TPPP: variants seen among roughly 807,000 people sequenced by gnomAD.
The protein encoded by TPPP is tubulin polymerization promoting protein.
TPPP carries 6 observed loss-of-function variants against 15.5 expected under a neutral mutation model. That is an observed-to-expected ratio of 0.39 (90% CI 0.21 to 0.77). The LOEUF (loss-of-function observed/expected upper bound fraction) is 0.77, where lower values mean the gene tolerates loss of function less well. Among genes scored for constraint, TPPP ranks in the 30% least tolerant of loss-of-function variants. TPPP has a pLI of 0.42. For missense variants in TPPP, 269 were observed against 307.2 expected (o/e 0.88, Z 0.93); for synonymous variants, 146 against 133.9 (o/e 1.09, Z -0.63).
At chr5:675,595 AT>A (rs1740404698) in intron 2 of TPPP, among the ~76,000 whole-genome samples, 1 of 103,548 alleles carries the variant, frequency 9.7e-6, no homozygotes. Context: ...GGGGTGCAGC[AT>A]GGGGGGTACA....
At chr5:670,157 G>A (rs984521305) in intron 2 of TPPP, among the ~76,000 whole-genome samples, 1 of 152,210 alleles carries the variant, frequency 6.6e-6, no homozygotes, top group African/African-American at 2.4e-5. Flanking sequence ...CTGGGCTCAG[G>A]CCAGGACAGC....
intron 1 of TPPP, chr5:692,725 G>A (rs1579203404): frequency 2.0e-6 from 2 of 981,858 alleles, no homozygotes; most frequent in South Asian, 4.7e-5. Context: ...CTCTGCGGGG[G>A]GCGGTCTGAC....
At chr5:679,791 C>T (rs1270320638) in intron 1 of TPPP, among the ~76,000 whole-genome samples, 2 of 151,198 alleles carry the variant, frequency 1.3e-5, no homozygotes, top group African/African-American at 4.9e-5. Flanking sequence ...AACCTGCACC[C>T]CGTGGGGCCC....
Position 666,139 on chromosome 5 carries a change from C to CGACTTAGGGCACAGGT in TPPP, c.312-17_312-16insACCTGTGCCCTAAGTC, listed in dbSNP as rs2126867042. ...AGACTTCCCTCTACAGGGGCACAGGCGACTTAGGGCTGGGCGCGGGCCGGC... is the reference window on the plus strand; with the variant it reads ...AGACTTCCCTCTACAGGGGCACAGGCGACTTAGGGCACAGGTGACTTAGGGCTGGGCGCGGGCCGGC... On this transcript the variant is annotated splice_polypyrimidine_tract_variant and intron_variant, in intron 2 of 3. Coordinates refer to ENST00000360578, the MANE Select transcript of TPPP (RefSeq NM_007030.3). 3 of 1,608,220 alleles carry CGACTTAGGGCACAGGT rather than the reference C, an allele frequency of 1.9e-6. No homozygotes were observed. Among genetic ancestry groups the CGACTTAGGGCACAGGT allele is most frequent in the African/African-American group, 1.3e-5 (1 of 74,834 alleles).
intron 2 of TPPP, among the ~76,000 whole-genome samples, chr5:669,327 G>A (rs56934245): frequency 0.06 from 9,100 of 152,272 alleles, 537 homozygotes; most frequent in African/African-American, 0.15. Context: ...GTGGGGGTCC[G>A]CGGTGTTGGG....
In TPPP at chr5:665,100, G is replaced by A. The variant is rs770112220; in HGVS notation, c.*2C>T. The A allele has an allele frequency of 1.6e-5, 25 of 1,608,598 alleles. 1 individual carries two copies. In the South Asian group the frequency reaches 1.8e-4, roughly 11 times the overall value. On this transcript the variant is annotated 3_prime_UTR_variant, in exon 4 of 4. Transcript: ENST00000360578. ...GCAGTGCCGCGAGGCATGGAGCGGG[G>A]GCTACTTGCCCCCTTGCACCTTCTG...
chr5:672,106 G>T (rs952250308), intron 2 of TPPP, among the ~76,000 whole-genome samples: 26 of 152,362 alleles, frequency 1.7e-4, no homozygotes, highest in African/African-American at 6.3e-4. Context: ...CCTGGGAGGT[G>T]GTTGGGTTGG....
chr5:667,456 ACTT>A (rs1340562163), intron 2 of TPPP, among the ~76,000 whole-genome samples: 11 of 152,202 alleles, frequency 7.2e-5, no homozygotes, highest in African/African-American at 1.9e-4. Context: ...TGAAACTAAA[ACTT>A]CTAGAAGAAC....
intron 2 of TPPP, among the ~76,000 whole-genome samples, chr5:671,126 C>G (rs538425993): frequency 6.6e-6 from 1 of 152,320 alleles, no homozygotes; most frequent in East Asian, 1.9e-4. Context: ...GTCTGGCTAC[C>G]GAAGGCTCCC....
chr5:692,791 G>A (rs1419121891), intron 1 of TPPP: 1 of 951,670 alleles, frequency 1.1e-6, no homozygotes, highest in Non-Finnish European at 1.3e-6. Flanking sequence ...CCGTTTCTGT[G>A]GCCAGGGATC....
At chr5:692,613 A>T (rs1017332692) in intron 1 of TPPP, 1 of 983,262 alleles carries the variant, frequency 1.0e-6, no homozygotes, top group African/African-American at 1.8e-5. Flanking sequence ...GGCTCCTCAG[A>T]TCTTCGGGCG....
intron 1 of TPPP, among the ~76,000 whole-genome samples, chr5:686,052 G>A (rs1740759108): frequency 6.6e-6 from 1 of 152,214 alleles, no homozygotes; most frequent in Non-Finnish European, 1.5e-5. Flanking sequence ...AGACTGATAC[G>A]GGTCTGAGAT....
upstream of TPPP, among the ~76,000 whole-genome samples, chr5:693,827 C>G (rs1023246226): frequency 5.3e-5 from 8 of 149,642 alleles, no homozygotes; most frequent in African/African-American, 2.0e-4. Context: ...GCGCCCAGTT[C>G]TTTAAGGAGC....
At position 682,362 on chromosome 5, in the gene TPPP, AGGGCCTGGGGTCTGCCCCTTGGGCCT is replaced by A. The variant is rs1466911303; in HGVS notation, c.-4-4324_-4-4299del. Reference sequence around the variant, plus strand: ...TCCCTTGGGCCTGGAGCCTGTTACTAGGGCCTGGGGTCTGCCCCTTGGGCCTGGAGCCTGTTACTAGGACCTGGGGT... The same window carrying A: ...TCCCTTGGGCCTGGAGCCTGTTACTAGGAGCCTGTTACTAGGACCTGGGGT... On this transcript the variant is annotated intron_variant, in intron 1 of 3. Transcript: ENST00000360578. Among the ~76,000 whole-genome samples the A allele has an allele frequency of 1.5e-3, 222 of 145,176 alleles. 3 individuals carry two copies. The highest frequency in any genetic ancestry group is 5.9e-3 in the African/African-American group (208 of 35,098).
intron 1 of TPPP, among the ~76,000 whole-genome samples, chr5:683,752 C>A (rs138071579): frequency 5.4e-3 from 814 of 151,332 alleles, no homozygotes; most frequent in African/African-American, 0.019. Context: ...AGGCGCTCAG[C>A]AGTATTCAGG....
chr5:670,551 G>C (rs1665219729), intron 2 of TPPP, among the ~76,000 whole-genome samples: 1 of 152,052 alleles, frequency 6.6e-6, no homozygotes, highest in Non-Finnish European at 1.5e-5. Flanking sequence ...CCTGGCTGCT[G>C]GGCCCCACGG....
At chr5:684,168 A>G (rs1258792019) in intron 1 of TPPP, among the ~76,000 whole-genome samples, 3 of 152,218 alleles carry the variant, frequency 2.0e-5, no homozygotes, top group Non-Finnish European at 4.4e-5. Flanking sequence ...CTTGACGCCG[A>G]AGCCCTGGGA....
intron 2 of TPPP, among the ~76,000 whole-genome samples, chr5:669,636 C>T (rs1486315992): frequency 1.3e-5 from 2 of 152,188 alleles, no homozygotes. Flanking sequence ...GAGCCAGGCA[C>T]CACCAGCATG....
At chr5:693,432 CCCCAGCGTCCGGCGCCCG>C (rs1044086587), upstream of TPPP, 4 of 147,998 alleles carry the variant, frequency 2.7e-5, no homozygotes, top group East Asian at 3.9e-4. Flanking sequence ...CGCCCCCGGC[CCCCAGCGTCCGGCGCCCG>C]CCCAGCGTCC....
Sources: gnomAD v4.1 joint callset for allele counts (sites outside exome capture counted in the v4.1 genomes callset) on GRCh38, gnomAD v4.1.1 for gene constraint, MANE v1.5 for transcripts, NCBI Gene and HGNC (gene_info 2026-07-23, HGNC 2026-07-21) for gene names.